Variants in CARS2 observed in about 807,000 individuals in gnomAD.
CARS2 encodes cysteinyl-tRNA synthetase 2, mitochondrial.
CARS2 carries 52 observed loss-of-function variants against 68.8 expected under a neutral mutation model. The observed-to-expected ratio is 0.76, with a 90% confidence interval of 0.61 to 0.95. The LOEUF (loss-of-function observed/expected upper bound fraction) is 0.95, where lower values mean the gene tolerates loss of function less well. Among genes scored for constraint, CARS2 ranks in the 40% least tolerant of loss-of-function variants. CARS2 has a pLI of 0.00. For synonymous variants in CARS2, 314 were observed against 303.6 expected (o/e 1.03, Z -0.36); for missense variants, 780 against 754.2 (o/e 1.03, Z -0.40).
In CARS2 at chr13:110,654,927, AAAAAAAAAGAAAAAG is replaced by A. The variant is rs1179596694; in HGVS notation, c.988-3842_988-3828del. On this transcript the variant is annotated intron_variant, in intron 9 of 14. Coordinates refer to ENST00000257347, the MANE Select transcript of CARS2 (RefSeq NM_024537.4). The stretch of plus-strand genomic sequence containing the variant: ...TGACAGCAAAACCCTCTCTCAAAAA[AAAAAAAAAGAAAAAG>A]AAAAAAAAAGAAAAAGAAAAAAAGG... 2.1e-5 allele frequency among the ~76,000 whole-genome samples: 3 copies of A among 140,386 alleles called. No homozygotes were observed. The East Asian group carries it at 6.2e-4, about 29-fold the overall frequency. 92.1% of individuals were successfully genotyped at this position (140,386 alleles called of 152,430 possible). A position where few individuals can be genotyped will look rare whatever the true frequency, so the allele number is the denominator to read the frequency against.
rs373881246 is a variant in CARS2 at position 110,643,097 on chromosome 13, CAAACTACTT to C, written c.1417-585_1417-577del. ...CAGACACAACATTTGACCTTGGTGT[CAAACTACTT>C]AAACCTCACACACCCCTCAGTTATT... On this transcript the variant is annotated intron_variant, in intron 13 of 14. Coordinates refer to ENST00000257347, the MANE Select transcript of CARS2 (RefSeq NM_024537.4). The C allele has an allele frequency of 3.0e-3, 831 of 276,796 alleles. 6 individuals carry two copies. Among genetic ancestry groups the C allele is most frequent in the African/African-American group, 0.018 (802 of 45,048 alleles). The allele number at this position is 276,796 out of a possible 1,614,324, so 17.1% of individuals were successfully genotyped here.
intron 9 of CARS2, among the ~76,000 whole-genome samples, chr13:110,655,600 G>A (rs1320394298): frequency 7.9e-5 from 12 of 152,204 alleles, no homozygotes; most frequent in Non-Finnish European, 1.8e-4. Context: ...AAAACTAACC[G>A]CTGCTTCAGG....
At chr13:110,708,276 A>G (rs2064000132), upstream of CARS2, among the ~76,000 whole-genome samples, 1 of 152,264 alleles carries the variant, frequency 6.6e-6, no homozygotes, top group Non-Finnish European at 1.5e-5. Flanking sequence ...AAATCTGGGT[A>G]GTAAAATACC....
chr13:110,684,450 C>T (rs1299535156), intron 5 of CARS2, among the ~76,000 whole-genome samples: 5 of 151,294 alleles, frequency 3.3e-5, no homozygotes, highest in Admixed American at 6.6e-5. Flanking sequence ...TCTGGTTCAT[C>T]CCCAGCACCG....
intron 2 of CARS2, among the ~76,000 whole-genome samples, chr13:110,702,292 T>A (rs1188069263): frequency 6.6e-6 from 1 of 152,102 alleles, no homozygotes; most frequent in Non-Finnish European, 1.5e-5. Flanking sequence ...ACCCCCTCCC[T>A]CTCCAAACAC....
At chr13:110,664,897 C>T (rs888868267) in intron 8 of CARS2, 19 of 674,124 alleles carry the variant, frequency 2.8e-5, no homozygotes, top group African/African-American at 1.4e-4. Context: ...AGTGCGCTGA[C>T]GCAGGACTCC....
chr13:110,712,746 C>G (rs1429241935), intron 1 of CARS2: 3 of 701,468 alleles, frequency 4.3e-6, no homozygotes. Flanking sequence ...CCTCCGAGAA[C>G]GGTGTCCATG....
Position 110,705,584 on chromosome 13 carries a change from T to G in CARS2, c.225-13A>C. 1 of 1,609,726 alleles carries G rather than the reference T, an allele frequency of 6.2e-7. No individual in the cohort carries two copies. Among genetic ancestry groups the G allele is most frequent in the Non-Finnish European group, 8.5e-7 (1 of 1,175,990 alleles). On this transcript the variant is annotated splice_polypyrimidine_tract_variant and intron_variant, in intron 1 of 14. Transcript: ENST00000257347. The surrounding 1 kb of genome is among the most constrained non-coding windows in gnomAD (Gnocchi z 4.0). The stretch of plus-strand genomic sequence containing the variant: ...TCCACAGCTATACCTGGAAACAAAG[T>G]TAAAATCCATCGTGTGGAACATATT...
chr13:110,643,534 C>G (rs1278843629), intron 13 of CARS2: 1 of 153,548 alleles, frequency 6.5e-6, no homozygotes, highest in African/African-American at 2.4e-5. Flanking sequence ...GGGCCCCAGT[C>G]CCAAGCGGCG....
In CARS2 at chr13:110,653,587, A is replaced by G. The variant is rs1300345867; in HGVS notation, c.988-2487T>C. 6.6e-6 allele frequency among the ~76,000 whole-genome samples: 1 copy of G among 152,146 alleles called. No individual in the cohort carries two copies. Among genetic ancestry groups the G allele is most frequent in the Non-Finnish European group, 1.5e-5 (1 of 68,040 alleles). On this transcript the variant is annotated intron_variant, in intron 9 of 14. Coordinates refer to ENST00000257347, the MANE Select transcript of CARS2 (RefSeq NM_024537.4). The surrounding 1 kb of genome is among the most constrained non-coding windows in gnomAD (Gnocchi z 5.6). The stretch of plus-strand genomic sequence containing the variant: ...AAGGGGTTTTCCTCTCAGAATGTAA[A>G]CGCATGCAGAATTAGCCTCAATGTG...
At chr13:110,679,577 A>AAGAAAGAAAGAAAGAGAG (rs2063082542) in intron 6 of CARS2, among the ~76,000 whole-genome samples, 2 of 66,466 alleles carry the variant, frequency 3.0e-5, no homozygotes, top group African/African-American at 1.4e-4. Flanking sequence ...AAGAGAGAGA[A>AAGAAAGAAAGAAAGAGAG]AGAAAGAAAG....
intron 3 of CARS2, among the ~76,000 whole-genome samples, chr13:110,690,215 G>A (rs961085278): frequency 1.2e-4 from 19 of 152,144 alleles, no homozygotes; most frequent in Admixed American, 2.6e-4. Context: ...GCGACAGAGC[G>A]AGATCCTGTC....
At chr13:110,654,942 GA>G (rs1555345847) in intron 9 of CARS2, among the ~76,000 whole-genome samples, 28 of 99,702 alleles carry the variant, frequency 2.8e-4, no homozygotes, top group Non-Finnish European at 4.6e-4. Flanking sequence ...AAAAGAAAAA[GA>G]AAAAAAAAGA....
At chr13:110,667,199 C>T in intron 8 of CARS2, 141 bp downstream of exon 8, 1 of 829,750 alleles carries the variant, frequency 1.2e-6, no homozygotes, top group African/African-American at 1.7e-5. Context: ...ATGATTGAAA[C>T]TCAAAAATAA....
intron 8 of CARS2, chr13:110,664,068 G>A: frequency 1.0e-6 from 1 of 985,340 alleles, no homozygotes; most frequent in Non-Finnish European, 1.2e-6. Flanking sequence ...AAAGACAGGA[G>A]GAAAACCAAA....
intron 3 of CARS2, chr13:110,698,038 C>G: frequency 4.5e-6 from 2 of 447,754 alleles, no homozygotes; most frequent in Non-Finnish European, 8.9e-6. Context: ...GATAAACGCC[C>G]CAGCCCAAAG....
At chr13:110,654,135 A>G (rs941598430) in intron 9 of CARS2, among the ~76,000 whole-genome samples, 1 of 152,214 alleles carries the variant, frequency 6.6e-6, no homozygotes, top group Non-Finnish European at 1.5e-5. Flanking sequence ...CTGGGTACAC[A>G]TGCCAGTTGC....
chr13:110,697,833 G>A, intron 3 of CARS2: 1 of 403,588 alleles, frequency 2.5e-6, no homozygotes, highest in Non-Finnish European at 4.8e-6. Flanking sequence ...TTGGGAAAAG[G>A]CTAGAACTGC....
chr13:110,651,953 T>C (rs1242993784), intron 9 of CARS2, among the ~76,000 whole-genome samples: 1 of 152,198 alleles, frequency 6.6e-6, no homozygotes, highest in Non-Finnish European at 1.5e-5. Flanking sequence ...AAAGCCGAGC[T>C]CCGACTGCAC....
Sources: allele counts gnomAD v4.1 joint callset (sites outside exome capture counted in the v4.1 genomes callset), GRCh38; gene constraint gnomAD v4.1.1; non-coding constraint Gnocchi (gnomAD v3.1); transcripts MANE v1.5; gene names NCBI Gene and HGNC (gene_info 2026-07-23, HGNC 2026-07-21).